Variants in RALYL observed in about 807,000 individuals in gnomAD.
The protein encoded by RALYL is RALY RNA binding protein like.
A neutral mutation model predicts 35.1 loss-of-function variants in RALYL; 29 were observed. The observed-to-expected ratio is 0.83, with a 90% CI of 0.61 to 1.13. RALYL has a LOEUF of 1.13. Ranked by LOEUF, RALYL falls within the 50% of genes most tolerant of loss-of-function variation. The pLI is 0.00. For synonymous variants in RALYL, 120 were observed against 127.6 expected (o/e 0.94, Z 0.40); for missense variants, 359 against 360.4 (o/e 1.00, Z 0.03).
At chr8:84,252,159 G>A (rs1471035645) in intron 1 of RALYL, among the ~76,000 whole-genome samples, 1 of 151,792 alleles carries the variant, frequency 6.6e-6, no homozygotes, top group African/African-American at 2.4e-5. Context: ...ACATTTTGTG[G>A]TGCACCCTAT....
intron 1 of RALYL, among the ~76,000 whole-genome samples, chr8:84,522,491 C>T (rs1167287211): frequency 4.6e-5 from 7 of 151,926 alleles, no homozygotes; most frequent in Non-Finnish European, 7.4e-5. Context: ...CCTCGTGATC[C>T]GCCCGCCTCG....
chr8:84,330,013 A>G (rs1846521077), intron 1 of RALYL, among the ~76,000 whole-genome samples: 1 of 147,774 alleles, frequency 6.8e-6, no homozygotes, highest in South Asian at 2.2e-4. Flanking sequence ...ATTATTATGA[A>G]TATGTAAAGA....
intron 4 of RALYL, among the ~76,000 whole-genome samples, chr8:84,837,381 GA>G (rs1832240372): frequency 6.6e-6 from 1 of 152,148 alleles, no homozygotes; most frequent in Non-Finnish European, 1.5e-5. Flanking sequence ...TTATTGGCAA[GA>G]TGTTTGCTAA....
chr8:84,727,902 C>T (rs1163695775), intron 2 of RALYL, among the ~76,000 whole-genome samples: 5 of 152,042 alleles, frequency 3.3e-5, no homozygotes, highest in Admixed American at 6.6e-5. Flanking sequence ...GTTCCAAGTC[C>T]TTGCTATTGT....
intron 2 of RALYL, among the ~76,000 whole-genome samples, chr8:84,582,080 G>C (rs1282177452): frequency 6.6e-6 from 1 of 152,032 alleles, no homozygotes; most frequent in Non-Finnish European, 1.5e-5. Context: ...AGGATTGTTA[G>C]CTATTTTCTT....
At chr8:84,870,128 T>A (rs1839930222) in intron 6 of RALYL, among the ~76,000 whole-genome samples, 2 of 152,208 alleles carry the variant, frequency 1.3e-5, no homozygotes, top group African/African-American at 2.4e-5. Context: ...GTAATTTTTT[T>A]AATTTATCAT....
chr8:84,697,494 C>A (rs906144387), intron 2 of RALYL, among the ~76,000 whole-genome samples: 3 of 151,960 alleles, frequency 2.0e-5, no homozygotes, highest in Admixed American at 6.6e-5. Flanking sequence ...CATAATGGAC[C>A]TTAGATTAGT....
intron 1 of RALYL, among the ~76,000 whole-genome samples, chr8:84,509,128 A>G (rs995210859): frequency 5.3e-5 from 8 of 152,140 alleles, no homozygotes; most frequent in Non-Finnish European, 1.0e-4. Flanking sequence ...AATACCTTGT[A>G]TTGTGTACTA....
intron 4 of RALYL, among the ~76,000 whole-genome samples, chr8:84,807,856 T>G (rs1046912383): frequency 3.9e-5 from 6 of 152,182 alleles, no homozygotes; most frequent in Non-Finnish European, 8.8e-5. Context: ...CACTTTTTGA[T>G]GGGATGTTTG....
chr8:84,611,717 GTATT>G (rs1448215349), intron 2 of RALYL, among the ~76,000 whole-genome samples: 5 of 152,082 alleles, frequency 3.3e-5, no homozygotes, highest in Non-Finnish European at 7.4e-5. Context: ...CATCATATAA[GTATT>G]TACACATTAC....
intron 2 of RALYL, among the ~76,000 whole-genome samples, chr8:84,749,269 A>G (rs528031685): frequency 1.3e-5 from 2 of 152,188 alleles, no homozygotes; most frequent in South Asian, 4.1e-4. Context: ...CTTTTTATCC[A>G]CATTATTCTA....
intron 1 of RALYL, chr8:84,346,070 C>T (rs937464004): frequency 1.3e-4 from 124 of 983,810 alleles, no homozygotes; most frequent in Non-Finnish European, 1.4e-4. Context: ...TGCTTGGTTG[C>T]TTATATGTTT....
intron 1 of RALYL, among the ~76,000 whole-genome samples, chr8:84,485,350 A>T (rs142181425): frequency 0.017 from 2,517 of 152,206 alleles, 71 homozygotes; most frequent in African/African-American, 0.057. Flanking sequence ...GCACTTTGGG[A>T]GGCGGAGGCG....
rs543728232 is a variant in RALYL at position 84,491,180 on chromosome 8, A to G, written c.-23-38119A>G. ...CAATGCAAAAATCTTTTTGTTGACT[A>G]TCTTTAATACTACTTGCTCACTCTC... is the stretch of plus-strand genomic sequence containing the variant. On this transcript the variant is annotated intron_variant, in intron 1 of 8. Transcript: ENST00000521268. Among the ~76,000 whole-genome samples, 6 of 152,130 alleles carry G rather than the reference A, an allele frequency of 3.9e-5. No individual in the cohort carries two copies. In the East Asian group the frequency reaches 5.8e-4, roughly 15 times the overall value.
intron 1 of RALYL, among the ~76,000 whole-genome samples, chr8:84,217,966 C>A (rs1821230720): frequency 6.6e-6 from 1 of 152,034 alleles, no homozygotes; most frequent in Non-Finnish European, 1.5e-5. Flanking sequence ...CACATACTTA[C>A]ATTTTTGTGG....
intron 2 of RALYL, among the ~76,000 whole-genome samples, chr8:84,560,660 T>G (rs1302656487): frequency 1.3e-5 from 2 of 151,844 alleles, no homozygotes; most frequent in African/African-American, 2.4e-5. Flanking sequence ...ATAATACAGA[T>G]TAGGGTAAAT....
intron 1 of RALYL, among the ~76,000 whole-genome samples, chr8:84,319,373 G>A (rs1484485673): frequency 1.3e-5 from 2 of 152,018 alleles, no homozygotes; most frequent in Non-Finnish European, 2.9e-5. Flanking sequence ...AAGGGTCCTT[G>A]GATTTTGTCC....
rs186634186 is a variant in RALYL at position 84,248,990 on chromosome 8, A to G, written c.-24+64566A>G. ...ACTTTGTAGTCATGGTTCTCTTTTT[A>G]TATATTTGTTTATTTTGTAGTCATG... On this transcript the variant is annotated intron_variant, in intron 1 of 8. Transcript: ENST00000521268. Among the ~76,000 whole-genome samples, 281 of 152,180 alleles carry G rather than the reference A, an allele frequency of 1.8e-3. 2 individuals are homozygous for G. Among genetic ancestry groups the G allele is most frequent in the African/African-American group, 6.5e-3 (271 of 41,562 alleles).
chr8:84,319,113 A>G (rs188686277), intron 1 of RALYL, among the ~76,000 whole-genome samples: 6 of 152,310 alleles, frequency 3.9e-5, no homozygotes, highest in Admixed American at 1.3e-4. Context: ...GTGACTGATT[A>G]TCAGCCAACT....
Sources: gnomAD v4.1 joint callset for allele counts (sites outside exome capture counted in the v4.1 genomes callset) on GRCh38, gnomAD v4.1.1 for gene constraint, MANE v1.5 for transcripts, NCBI Gene and HGNC (gene_info 2026-07-23, HGNC 2026-07-21) for gene names.